Variants in MAP3K3 observed in about 807,000 individuals in gnomAD.
MAP3K3 encodes the protein MAP/ERK kinase kinase 3.
In MAP3K3, 12 loss-of-function variants were observed where a neutral mutation model predicts 80.9. The ratio of observed to expected loss-of-function variants is 0.15; its 90% confidence interval spans 0.10 to 0.24. The LOEUF is 0.24. MAP3K3 is among the 10% of genes least tolerant of loss of function. The pLI, the probability that MAP3K3 is intolerant of heterozygous loss-of-function variation, is 1.00. For synonymous variants in MAP3K3, 272 were observed against 307.1 expected (o/e 0.89, Z 1.19); for missense variants, 596 against 834.7 (o/e 0.71, Z 3.52).
chr17:63,664,051 G>T (rs1244523527), intron 5 of MAP3K3, among the ~76,000 whole-genome samples: 1 of 151,496 alleles, frequency 6.6e-6, no homozygotes, highest in African/African-American at 2.4e-5. Flanking sequence ...GACCATCCTG[G>T]CTAACACGGT....
intron 1 of MAP3K3, among the ~76,000 whole-genome samples, chr17:63,624,254 G>C (rs2034054825): frequency 1.3e-5 from 2 of 152,188 alleles, no homozygotes; most frequent in Non-Finnish European, 2.9e-5. Flanking sequence ...TTGTATTATA[G>C]ATTTTGAATA....
In MAP3K3 at chr17:63,687,230, G is replaced by T. The variant is rs1051691733; in HGVS notation, c.711-1297G>T. 2.0e-4 allele frequency among the ~76,000 whole-genome samples: 30 copies of T among 148,104 alleles called. 1 individual carries two copies. Among genetic ancestry groups the T allele is most frequent in the African/African-American group, 7.0e-4 (28 of 39,760 alleles). ...AAAATGAAAAAAAAAAAAAAGCCAG[G>T]CGCGGTGGCTCCTGCCTGTAATCCC... On this transcript the variant is annotated intron_variant, in intron 8 of 15. Coordinates refer to ENST00000361733, the MANE Select transcript of MAP3K3 (RefSeq NM_002401.5).
At chr17:63,688,672 A>C in intron 9 of MAP3K3, 78 bp downstream of exon 9, 3 of 1,460,268 alleles carry the variant, frequency 2.1e-6, no homozygotes, top group Non-Finnish European at 2.9e-6. Flanking sequence ...GACTTTTCTG[A>C]GTCAGTAGCT....
At position 63,637,827 on chromosome 17, in the gene MAP3K3, T is replaced by C. The variant is rs74462256; in HGVS notation, c.126+5025T>C. 2.4e-4 allele frequency among the ~76,000 whole-genome samples: 36 copies of C among 152,364 alleles called. 2 individuals carry two copies. The East Asian group carries it at 6.7e-3, about 29-fold the overall frequency. On this transcript the variant is annotated intron_variant, in intron 2 of 15. Coordinates refer to ENST00000361733, the MANE Select transcript of MAP3K3 (RefSeq NM_002401.5). ...GAATCTTATCAAAATGGTAGGTAGA[T>C]ACTTGAACAGAGTCTGGGCTCTGGA...
At chr17:63,631,997 C>T (rs2034225759) in intron 1 of MAP3K3, among the ~76,000 whole-genome samples, 1 of 152,200 alleles carries the variant, frequency 6.6e-6, no homozygotes. Context: ...GACACTGTGC[C>T]ATAATCCTCT....
At position 63,694,007 on chromosome 17, in the gene MAP3K3, C is replaced by A. The variant is rs1456051871; in HGVS notation, c.*230C>A. 1 of 508,984 alleles carries A rather than the reference C, an allele frequency of 2.0e-6. No individual in the cohort carries two copies. The highest frequency in any genetic ancestry group is 2.0e-5 in the African/African-American group (1 of 50,544). 31.5% of individuals were successfully genotyped at this position (508,984 alleles called of 1,614,324 possible). A position where few individuals can be genotyped will look rare whatever the true frequency, so the allele number is the denominator to read the frequency against. On this transcript the variant is annotated 3_prime_UTR_variant, in exon 16 of 16. Coordinates refer to ENST00000361733, the MANE Select transcript of MAP3K3 (RefSeq NM_002401.5). ...TGTCAGATCCAGGAGCTCCAGTGTC[C>A]TGAGCTCAGCGTGGAGGGGTAGGGG...
chr17:63,648,597 G>A (rs190186574), intron 3 of MAP3K3, among the ~76,000 whole-genome samples: 5 of 151,718 alleles, frequency 3.3e-5, no homozygotes, highest in South Asian at 2.1e-4. Context: ...AGGCTGAGGC[G>A]GGCAGATAAA....
chr17:63,630,921 T>C (rs2034202220), intron 1 of MAP3K3, among the ~76,000 whole-genome samples: 1 of 152,142 alleles, frequency 6.6e-6, no homozygotes, highest in Non-Finnish European at 1.5e-5. Context: ...GGCAACTTTG[T>C]CCTTTTCTGT....
At chr17:63,657,207 G>T (rs973322473) in intron 4 of MAP3K3, among the ~76,000 whole-genome samples, 5 of 151,960 alleles carry the variant, frequency 3.3e-5, no homozygotes, top group African/African-American at 1.2e-4. Flanking sequence ...ATTTGGAAAA[G>T]AATATGGGGG....
chr17:63,659,707 A>T (rs1334650850), intron 5 of MAP3K3, among the ~76,000 whole-genome samples: 1 of 150,980 alleles, frequency 6.6e-6, no homozygotes, highest in African/African-American at 2.4e-5. Flanking sequence ...TAATTTTTGT[A>T]TTTTTAGTAG....
chr17:63,688,165 C>A, intron 8 of MAP3K3: 1 of 299,252 alleles, frequency 3.3e-6, no homozygotes, highest in South Asian at 4.1e-5. Context: ...AAAGCAGCAG[C>A]CTATCAACGA....
intron 2 of MAP3K3, among the ~76,000 whole-genome samples, chr17:63,635,967 A>G (rs574459734): frequency 6.6e-6 from 1 of 152,328 alleles, no homozygotes; most frequent in Non-Finnish European, 1.5e-5. Flanking sequence ...TGTTTATTCA[A>G]GGGTGGAATG....
At chr17:63,680,020 GA>G (rs2035298322) in intron 6 of MAP3K3, among the ~76,000 whole-genome samples, 1 of 152,110 alleles carries the variant, frequency 6.6e-6, no homozygotes, top group South Asian at 2.1e-4. Flanking sequence ...CCCTGTCTCT[GA>G]AACAAAACAA....
chr17:63,671,029 A>G (rs558213187), intron 6 of MAP3K3, among the ~76,000 whole-genome samples: 1 of 152,226 alleles, frequency 6.6e-6, no homozygotes, highest in South Asian at 2.1e-4. Context: ...AACAGATTGG[A>G]GGGGGCAAGA....
Position 63,694,478 on chromosome 17 carries a change from C to G in MAP3K3, c.*701C>G, listed in dbSNP as rs932782596. ...CCACTGAGGGGGGATCCAGTTTTGT[C>G]AATGCAGTTGTCTCTGTTTTACAAG... is the stretch of plus-strand genomic sequence containing the variant. On this transcript the variant is annotated 3_prime_UTR_variant, in exon 16 of 16. Coordinates refer to ENST00000361733, the MANE Select transcript of MAP3K3 (RefSeq NM_002401.5). 6.5e-6 allele frequency: 1 copy of G among 152,740 alleles called. No homozygotes were observed. The highest frequency in any genetic ancestry group is 1.5e-5 in the Non-Finnish European group (1 of 68,092). The allele number at this position is 152,740 out of a possible 1,614,324, so 9.5% of individuals were successfully genotyped here.
chr17:63,685,759 A>G (rs1343105698), intron 8 of MAP3K3, among the ~76,000 whole-genome samples, 169 bp downstream of exon 8: 4 of 152,228 alleles, frequency 2.6e-5, no homozygotes, highest in Admixed American at 6.5e-5. Flanking sequence ...GGCATAATTA[A>G]ATGAATGTAA....
At chr17:63,646,270 T>C (rs1022743988) in intron 3 of MAP3K3, among the ~76,000 whole-genome samples, 196 bp downstream of exon 3, 2 of 152,184 alleles carry the variant, frequency 1.3e-5, no homozygotes, top group Non-Finnish European at 2.9e-5. Context: ...TATCTTAGCA[T>C]TGGAAGCCAT....
At chr17:63,642,584 G>T (rs1040899561) in intron 2 of MAP3K3, among the ~76,000 whole-genome samples, 6 of 152,172 alleles carry the variant, frequency 3.9e-5, no homozygotes, top group African/African-American at 1.4e-4. Context: ...CTTGAACCCA[G>T]GAGACAGAGG....
chr17:63,625,430 C>G (rs899630363), intron 1 of MAP3K3, among the ~76,000 whole-genome samples: 1 of 152,018 alleles, frequency 6.6e-6, no homozygotes, highest in African/African-American at 2.4e-5. Flanking sequence ...TTTATGTGGT[C>G]TTTTTATAAA....
Sources: allele counts gnomAD v4.1 joint callset (sites outside exome capture counted in the v4.1 genomes callset), GRCh38; gene constraint gnomAD v4.1.1; transcripts MANE v1.5; gene names NCBI Gene and HGNC (gene_info 2026-07-23, HGNC 2026-07-21).